Variants in IL7R observed in about 807,000 individuals in gnomAD.
IL7R encodes the protein interleukin-7 receptor subunit alpha.
IL7R carries 38 observed loss-of-function variants against 47.0 expected under a neutral mutation model. The observed-to-expected ratio is 0.81, with a 90% CI of 0.62 to 1.06. The LOEUF (loss-of-function observed/expected upper bound fraction) is 1.06. IL7R is among the 50% of genes least tolerant of loss of function. The probability of loss-of-function intolerance (pLI) is 0.00; values close to 1 mark genes in which losing one functional copy is unlikely to be tolerated. For missense variants in IL7R, 633 were observed against 534.8 expected, an observed-to-expected ratio of 1.18 and a Z score of -1.81; for synonymous variants, 221 against 199.8, an observed-to-expected ratio of 1.11 and a Z score of -0.89.
At chr5:35,873,219 T>C (rs948917044) in intron 4 of IL7R, 2 of 509,160 alleles carry the variant, frequency 3.9e-6, no homozygotes, top group Non-Finnish European at 7.1e-6. Context: ...AGGGAGATCC[T>C]GGGCAGTGCC....
chr5:35,863,780 A>G (rs1298885699), intron 2 of IL7R, among the ~76,000 whole-genome samples: 1 of 152,170 alleles, frequency 6.6e-6, no homozygotes, highest in African/African-American at 2.4e-5. Context: ...GGAAAGGAAA[A>G]TAACCCTATG....
Position 35,877,200 on chromosome 5 carries a change from G to A in IL7R, c.*714G>A, listed in dbSNP as rs976811252. The A allele has an allele frequency of 4.3e-6, 1 of 233,322 alleles. No homozygotes were observed. Among genetic ancestry groups the A allele is most frequent in the Non-Finnish European group, 8.5e-6 (1 of 118,100 alleles). 14.5% of individuals were successfully genotyped at this position (233,322 alleles called of 1,614,324 possible). On this transcript the variant is annotated 3_prime_UTR_variant, in exon 8 of 8. Coordinates refer to ENST00000303115, the MANE Select transcript of IL7R (RefSeq NM_002185.5). The stretch of plus-strand genomic sequence containing the variant: ...CTGAGTCAGTTTGGAAAGTGAAAGG[G>A]AAACTTACATATAATCCCTCCGGGA...
Position 35,873,629 on chromosome 5 carries a change from A to G in IL7R, c.687A>G (p.Pro229=), listed in dbSNP as rs1760130314. ...EWSPSYYFRT[P]EINNSSGEMD... ...GTCCAAGTTATTACTTCAGAACTCC[A>G]GAGATCAATAATAGCTCAGGTAAGG... The change falls in exon 5 of 8, where the codon CCA becomes CCG. Residue 229 remains proline (P), a synonymous_variant. Transcript: ENST00000303115. 6.2e-7 allele frequency: 1 copy of G among 1,613,832 alleles called. No homozygotes were observed. The highest frequency in any genetic ancestry group is 8.5e-7 in the Non-Finnish European group (1 of 1,179,818).
At chr5:35,873,225 G>A in intron 4 of IL7R, 1 of 522,050 alleles carries the variant, frequency 1.9e-6, no homozygotes, top group Non-Finnish European at 3.5e-6. Flanking sequence ...ATCCTGGGCA[G>A]TGCCTAACTC....
chr5:35,870,817 G>A (rs1760053843), intron 3 of IL7R, among the ~76,000 whole-genome samples: 1 of 152,170 alleles, frequency 6.6e-6, no homozygotes, highest in African/African-American at 2.4e-5. Flanking sequence ...CTGGCCCAGG[G>A]TGGAAGTGGA....
intron 4 of IL7R, 142 bp downstream of exon 4, chr5:35,871,355 GCC>G: frequency 1.5e-6 from 1 of 672,264 alleles, no homozygotes. Flanking sequence ...CCCAATATTG[GCC>G]CCATGAAAAC....
intron 2 of IL7R, among the ~76,000 whole-genome samples, chr5:35,863,451 C>T (rs1383917473): frequency 6.6e-6 from 1 of 152,134 alleles, no homozygotes; most frequent in Non-Finnish European, 1.5e-5. Context: ...CGAAAGGACT[C>T]ATTTGAGCAC....
intron 1 of IL7R, among the ~76,000 whole-genome samples, chr5:35,859,055 G>C (rs1004644355): frequency 1.3e-5 from 2 of 152,128 alleles, no homozygotes; most frequent in Non-Finnish European, 1.5e-5. Context: ...ATTTTTCTTG[G>C]TTACAAAGCA....
At position 35,876,475 on chromosome 5, in the gene IL7R, C is replaced by T. The variant is rs1197656380; in HGVS notation, c.1369C>T (p.Gln457Ter). 1.2e-6 allele frequency: 2 copies of T among 1,602,546 alleles called. No individual in the cohort carries two copies. The highest frequency in any genetic ancestry group is 8.5e-7 in the Non-Finnish European group (1 of 1,179,932). The change falls in exon 8 of 8, where the codon CAA becomes TAA. Residue 457 changes from glutamine (Q) to a stop codon, truncating the protein, a stop_gained. Transcript: ENST00000303115. LOFTEE classifies it high-confidence loss of function. ...EAYVTMSSFY[Q>*]NQ is the part of the protein sequence containing the mutation. ...ATATGTCACCATGTCCAGCTTCTAC[C>T]AAAACCAGTGAAGTGTAAGAAACCC...
chr5:35,877,476 A>G lies in IL7R; in HGVS notation c.*990A>G, dbSNP rs1008776799. ...ACAATTTCTCTTGTTTGTTACCAAG[A>G]CAGTGATTCTCTTGCTGCTACCACC... On this transcript the variant is annotated 3_prime_UTR_variant, in exon 8 of 8. Transcript: ENST00000303115. The G allele has an allele frequency of 4.3e-6, 1 of 233,188 alleles. No homozygotes were observed. Among genetic ancestry groups the G allele is most frequent in the Non-Finnish European group, 8.5e-6 (1 of 117,982 alleles). The allele number at this position is 233,188 out of a possible 1,614,324, so 14.4% of individuals were successfully genotyped here.
chr5:35,859,614 G>C (rs1339429360), intron 1 of IL7R, among the ~76,000 whole-genome samples: 1 of 152,174 alleles, frequency 6.6e-6, no homozygotes, highest in Non-Finnish European at 1.5e-5. Context: ...GGCTGTTTGA[G>C]ATTTGTTGCT....
chr5:35,870,896 A>G (rs1760056668), intron 3 of IL7R, among the ~76,000 whole-genome samples, 160 bp from the exon 4 acceptor site: 1 of 152,224 alleles, frequency 6.6e-6, no homozygotes, highest in South Asian at 2.1e-4. Context: ...GAGAATGCGG[A>G]CTGGATTTAA....
rs563617929 is a variant in IL7R at position 35,862,170 on chromosome 5, A to G, written c.221+1180A>G. Among the ~76,000 whole-genome samples, 4 of 152,222 alleles carry G rather than the reference A, an allele frequency of 2.6e-5. No individual in the cohort carries two copies. The South Asian group carries it at 8.3e-4, about 32-fold the overall frequency. On this transcript the variant is annotated intron_variant, in intron 2 of 7. Coordinates refer to ENST00000303115, the MANE Select transcript of IL7R (RefSeq NM_002185.5). Reference sequence around the variant, plus strand: ...TCCAGGAATAAAATATGTCAAAAGAACCTGAACCAGTTCGATGTCCACAAT... The same window carrying G: ...TCCAGGAATAAAATATGTCAAAAGAGCCTGAACCAGTTCGATGTCCACAAT...
At position 35,876,029 on chromosome 5, in the gene IL7R, T is replaced by C; in HGVS notation, c.923T>C (p.Ile308Thr). Residue 308 changes from isoleucine (I) to threonine (T), a missense_variant, in exon 8 of 8, where the codon ATT becomes ACT. Physicochemically the swap from Ile to Thr is moderately conservative, Grantham distance 89. Coordinates refer to ENST00000303115, the MANE Select transcript of IL7R (RefSeq NM_002185.5). ...FNPESFLDCQIHRVDDIQARD... is the reference protein window; with the variant it reads ...FNPESFLDCQTHRVDDIQARD... ...CCTGAAAGTTTCCTGGACTGCCAGATTCATAGGGTGGATGACATTCAAGCT... is the reference window on the plus strand; with the variant it reads ...CCTGAAAGTTTCCTGGACTGCCAGACTCATAGGGTGGATGACATTCAAGCT... The C allele has an allele frequency of 6.2e-7, 1 of 1,614,100 alleles. No individual in the cohort carries two copies. The highest frequency in any genetic ancestry group is 8.5e-7 in the Non-Finnish European group (1 of 1,180,012).
At position 35,860,970 on chromosome 5, in the gene IL7R, C is replaced by A. The variant is rs1373009612; in HGVS notation, c.201C>A (p.Thr67=). Residue 67 remains threonine (T), a synonymous_variant, in exon 2 of 8, where the codon ACC becomes ACA. Transcript: ENST00000303115. Reference sequence around the variant, plus strand: ...TTGAGGACCCAGATGTCAACATCACCAATCTGGAATTTGAAATATGGTGAG... The same window carrying A: ...TTGAGGACCCAGATGTCAACATCACAAATCTGGAATTTGAAATATGGTGAG... ...CAFEDPDVNI[T]NLEFEICGAL... 6.2e-7 allele frequency: 1 copy of A among 1,613,424 alleles called. No homozygotes were observed. Among genetic ancestry groups the A allele is most frequent in the South Asian group, 1.1e-5 (1 of 91,070 alleles).
At position 35,877,331 on chromosome 5, in the gene IL7R, G is replaced by A. The variant is rs1157306788; in HGVS notation, c.*845G>A. On this transcript the variant is annotated 3_prime_UTR_variant, in exon 8 of 8. Coordinates refer to ENST00000303115, the MANE Select transcript of IL7R (RefSeq NM_002185.5). ...AAAGAGGGGGAGAAACAGTCTTGCG[G>A]GTGTGAAGTCCCATGACCAGCCATG... is the stretch of plus-strand genomic sequence containing the variant. 3.9e-5 allele frequency: 9 copies of A among 233,228 alleles called. No individual in the cohort carries two copies. Among genetic ancestry groups the A allele is most frequent in the Middle Eastern group, 2.5e-3 (2 of 786 alleles). The allele number at this position is 233,228 out of a possible 1,614,324, so 14.4% of individuals were successfully genotyped here.
intron 4 of IL7R, 62 bp downstream of exon 4, chr5:35,871,275 T>C: frequency 1.5e-6 from 2 of 1,370,878 alleles, no homozygotes; most frequent in Non-Finnish European, 2.1e-6. Context: ...TTTGTTGGCC[T>C]AGTAGTGCAT....
At position 35,878,571 on chromosome 5, in the gene IL7R, A is replaced by G. The variant is rs539003484; in HGVS notation, c.*2085A>G. On this transcript the variant is annotated 3_prime_UTR_variant, in exon 8 of 8. Transcript: ENST00000303115. ...GCCTGGTTTGTAGGCAGCAGAAGAC[A>G]TTTTTCATCAGTGGGCAGGTGTTCT... 2 of 232,914 alleles carry G rather than the reference A, an allele frequency of 8.6e-6. No homozygotes were observed. The highest frequency in any genetic ancestry group is 6.1e-5 in the East Asian group (1 of 16,518). 14.4% of individuals were successfully genotyped at this position (232,914 alleles called of 1,614,324 possible).
In IL7R at chr5:35,873,648, G is replaced by A; in HGVS notation, c.706G>A (p.Gly236Arg). 1 of 1,613,618 alleles carries A rather than the reference G, an allele frequency of 6.2e-7. No homozygotes were observed. The highest frequency in any genetic ancestry group is 8.5e-7 in the Non-Finnish European group (1 of 1,179,556). ...AACTCCAGAGATCAATAATAGCTCA[G>A]GTAAGGAATGGTGGTAGAGTTTTTG... ...FRTPEINNSS[G>R]EMDPILLTIS... The change falls in exon 5 of 8, where the codon GGG (glycine) becomes AGG (arginine). Residue 236 changes from glycine to arginine, a missense_variant and splice_region_variant. By Grantham distance (125) the Gly-to-Arg change is moderately radical. Coordinates refer to ENST00000303115, the MANE Select transcript of IL7R (RefSeq NM_002185.5).
Sources: gnomAD v4.1 joint callset for allele counts (sites outside exome capture counted in the v4.1 genomes callset) on GRCh38, gnomAD v4.1.1 for gene constraint, MANE v1.5 for transcripts, NCBI Gene and HGNC (gene_info 2026-07-23, HGNC 2026-07-21) for gene names.